Variants in MAP3K13 observed in about 807,000 individuals in gnomAD.
MAP3K13 encodes leucine zipper-bearing kinase.
Under a neutral mutation model 104.0 loss-of-function variants are expected in MAP3K13, and 52 were observed. The ratio of observed to expected loss-of-function variants is 0.50; its 90% CI spans 0.40 to 0.63. The LOEUF is 0.63. Among genes scored for constraint, MAP3K13 ranks in the 20% least tolerant of loss-of-function variants. The probability of loss-of-function intolerance (pLI) is 0.00; values close to 1 mark genes in which losing one functional copy is unlikely to be tolerated. For synonymous variants in MAP3K13, 394 were observed against 442.2 expected (o/e 0.89, Z 1.37); for missense variants, 914 against 1,218.5 (o/e 0.75, Z 3.72).
intron 2 of MAP3K13, among the ~76,000 whole-genome samples, chr3:185,319,126 T>TA (rs1285985086): frequency 7.2e-5 from 11 of 151,850 alleles, no homozygotes; most frequent in Middle Eastern, 3.4e-3. Context: ...TGCCTTTTTT[T>TA]AAAAAAAAAT....
rs1718505635 is a variant in MAP3K13, at chr3:185,482,233, CCTGGTCT to C, written c.2800-120_2800-114del. 1.3e-5 allele frequency: 9 copies of C among 701,410 alleles called. No homozygotes were observed. The highest frequency in any genetic ancestry group is 2.1e-5 in the Non-Finnish European group (8 of 388,152). 43.4% of individuals were successfully genotyped at this position (701,410 alleles called of 1,614,324 possible). ...CTCCATAAGTCCCACAAGGACAGGA[CCTGGTCT>C]CGTTTACCTTTGTAGCCCCCTTACC... is the stretch of plus-strand genomic sequence containing the variant. On this transcript the variant is annotated intron_variant, in intron 13 of 13. Coordinates refer to ENST00000265026, the MANE Select transcript of MAP3K13 (RefSeq NM_004721.5). This position sits in a 1 kb window ranked among gnomAD's most constrained non-coding sequence, Gnocchi z 4.5.
At chr3:185,341,857 A>G (rs1167094232) in intron 2 of MAP3K13, among the ~76,000 whole-genome samples, 1 of 152,200 alleles carries the variant, frequency 6.6e-6, no homozygotes, top group African/African-American at 2.4e-5. Context: ...TTTTTACATG[A>G]CAACAACTGA....
chr3:185,453,057 G>A (rs567913006), intron 7 of MAP3K13, among the ~76,000 whole-genome samples: 2 of 152,212 alleles, frequency 1.3e-5, no homozygotes, highest in East Asian at 1.9e-4. Context: ...AATGTCATAA[G>A]GATTGGTCAT....
At chr3:185,352,941 C>T (rs1723193285) in intron 2 of MAP3K13, among the ~76,000 whole-genome samples, 1 of 152,220 alleles carries the variant, frequency 6.6e-6, no homozygotes, top group Non-Finnish European at 1.5e-5. Context: ...CTAGTAGCAA[C>T]TACTATCTTT....
In MAP3K13 at chr3:185,485,224, G is replaced by T. The variant is rs1718661778; in HGVS notation, c.*2768G>T. 1 of 152,116 alleles carries T rather than the reference G, an allele frequency of 6.6e-6. No homozygotes were observed. The highest frequency in any genetic ancestry group is 2.4e-5 in the African/African-American group (1 of 41,410). The allele number at this position is 152,116 out of a possible 1,614,324, so 9.4% of individuals were successfully genotyped here. A position where few individuals can be genotyped will look rare whatever the true frequency, so the allele number is the denominator to read the frequency against. ...ACAGACCTAGAGGGTTTCCGCACAG[G>T]GCTCATGGATTCGTTTCAAGAATTG... is the stretch of plus-strand genomic sequence containing the variant. On this transcript the variant is annotated 3_prime_UTR_variant, in exon 14 of 14. Coordinates refer to ENST00000265026, the MANE Select transcript of MAP3K13 (RefSeq NM_004721.5).
intron 1 of MAP3K13, among the ~76,000 whole-genome samples, chr3:185,397,227 A>G (rs1431344551): frequency 1.3e-5 from 2 of 152,246 alleles, no homozygotes; most frequent in Admixed American, 6.5e-5. Flanking sequence ...GAGATATCCT[A>G]TTCCATTATT....
At chr3:185,294,423 T>C (rs909753021) in intron 2 of MAP3K13, among the ~76,000 whole-genome samples, 2 of 152,210 alleles carry the variant, frequency 1.3e-5, no homozygotes, top group African/African-American at 4.8e-5. Flanking sequence ...GAATTACTTA[T>C]TTAAACTGTG....
intron 1 of MAP3K13, chr3:185,285,308 T>A (rs774987236): frequency 4.3e-5 from 10 of 230,090 alleles, no homozygotes; most frequent in Non-Finnish European, 7.8e-5. Context: ...TTTGAGATCC[T>A]GTAGATTTAT....
At chr3:185,456,303 A>G (rs1283215385) in intron 7 of MAP3K13, among the ~76,000 whole-genome samples, 1 of 152,112 alleles carries the variant, frequency 6.6e-6, no homozygotes, top group Non-Finnish European at 1.5e-5. Flanking sequence ...TACTATTTCT[A>G]AGAAATTATT....
At position 185,450,632 on chromosome 3, in the gene MAP3K13, A is replaced by C. The variant is rs1017380245; in HGVS notation, c.1169+574A>C. On this transcript the variant is annotated intron_variant, in intron 6 of 13. Coordinates refer to ENST00000265026, the MANE Select transcript of MAP3K13 (RefSeq NM_004721.5). The surrounding 1 kb of genome is among the most constrained non-coding windows in gnomAD (Gnocchi z 4.2). ...AAAAACATAAAATAAAATAAAATATAAATAAAAAACTGTACTGCAGGGCCA... is the reference window on the plus strand; with the variant it reads ...AAAAACATAAAATAAAATAAAATATCAATAAAAAACTGTACTGCAGGGCCA... Among the ~76,000 whole-genome samples the C allele has an allele frequency of 3.3e-5, 5 of 151,852 alleles. No individual in the cohort carries two copies. The highest frequency in any genetic ancestry group is 2.0e-4 in the Admixed American group (3 of 15,216).
chr3:185,332,279 T>C (rs935936625), intron 2 of MAP3K13, among the ~76,000 whole-genome samples: 3 of 152,120 alleles, frequency 2.0e-5, no homozygotes, highest in African/African-American at 7.2e-5. Context: ...AACAGAATCA[T>C]CAGACTTTTG....
chr3:185,447,418 C>T (rs1356356973), intron 4 of MAP3K13, among the ~76,000 whole-genome samples: 4 of 137,872 alleles, frequency 2.9e-5, no homozygotes, highest in South Asian at 2.3e-4. Context: ...CCCTTGAACC[C>T]GGGAGGCAGA....
At chr3:185,374,585 A>G (rs1724330690) in intron 1 of MAP3K13, among the ~76,000 whole-genome samples, 1 of 152,150 alleles carries the variant, frequency 6.6e-6, no homozygotes, top group Non-Finnish European at 1.5e-5. Context: ...AATCGGGAGG[A>G]CCCAGGACAT....
At chr3:185,430,150 C>G (rs139868471) in intron 2 of MAP3K13, among the ~76,000 whole-genome samples, 1 of 151,818 alleles carries the variant, frequency 6.6e-6, no homozygotes, top group South Asian at 2.1e-4. Context: ...GAGCCAAGAT[C>G]GTGCCACTGC....
chr3:185,331,895 A>G (rs116386900), intron 2 of MAP3K13, among the ~76,000 whole-genome samples: 1,982 of 152,262 alleles, frequency 0.013, 43 homozygotes, highest in African/African-American at 0.046. Flanking sequence ...ATTATACGTA[A>G]TGTTCTAAAT....
chr3:185,342,580 C>T (rs1251760558), intron 2 of MAP3K13, among the ~76,000 whole-genome samples: 2 of 152,030 alleles, frequency 1.3e-5, no homozygotes, highest in Non-Finnish European at 2.9e-5. Context: ...ATGCTTGAGT[C>T]ACCAGGCAAG....
In MAP3K13 at chr3:185,482,497, C is replaced by G. The variant is rs1718523031; in HGVS notation, c.*41C>G. Reference sequence around the variant, plus strand: ...CCTGAAGATCTCGTGACTATACTGGCATTTCAGATCCACCCCACCCCCAGA... The same window carrying G: ...CCTGAAGATCTCGTGACTATACTGGGATTTCAGATCCACCCCACCCCCAGA... On this transcript the variant is annotated 3_prime_UTR_variant, in exon 14 of 14. Transcript: ENST00000265026. The surrounding 1 kb of genome is among the most constrained non-coding windows in gnomAD (Gnocchi z 4.5). 6.9e-7 allele frequency: 1 copy of G among 1,439,432 alleles called. No individual in the cohort carries two copies. The highest frequency in any genetic ancestry group is 1.4e-5 in the African/African-American group (1 of 71,458). 89.2% of individuals were successfully genotyped at this position (1,439,432 alleles called of 1,614,324 possible).
rs977578182 is a variant in MAP3K13 at position 185,483,651 on chromosome 3, A to G, written c.*1195A>G. The G allele has an allele frequency of 4.5e-5, 7 of 153,986 alleles. No homozygotes were observed. Among genetic ancestry groups the G allele is most frequent in the Non-Finnish European group, 9.3e-5 (7 of 75,628 alleles). 9.5% of individuals were successfully genotyped at this position (153,986 alleles called of 1,614,324 possible). On this transcript the variant is annotated 3_prime_UTR_variant, in exon 14 of 14. Coordinates refer to ENST00000265026, the MANE Select transcript of MAP3K13 (RefSeq NM_004721.5). ...GCTAGGATGTATGTGTGTCTATACA[A>G]TGTCTGAGCCCAAACCATCCCTTTG...
chr3:185,285,760 C>T (rs1577392628), intron 2 of MAP3K13: 1 of 764,112 alleles, frequency 1.3e-6, no homozygotes, highest in Non-Finnish European at 2.1e-6. Flanking sequence ...ATGTTTTAAT[C>T]AGGACCTTCC....
Sources: gnomAD v4.1 joint callset for allele counts (sites outside exome capture counted in the v4.1 genomes callset) on GRCh38, gnomAD v4.1.1 for gene constraint, Gnocchi (gnomAD v3.1) non-coding constraint, MANE v1.5 for transcripts, NCBI Gene and HGNC (gene_info 2026-07-23, HGNC 2026-07-21) for gene names.